Variants in USP10 observed in about 807,000 individuals in gnomAD.
USP10 encodes ubiquitin specific peptidase 10, also known as ubiquitin carboxyl-terminal hydrolase 10.
A neutral mutation model predicts 84.5 loss-of-function variants in USP10; 22 were observed. The observed-to-expected ratio is 0.26, with a 90% CI of 0.19 to 0.37. The LOEUF (loss-of-function observed/expected upper bound fraction) is 0.37. Ranked by LOEUF, USP10 falls within the 10% of genes least tolerant of loss-of-function variation. The pLI, the probability that USP10 is intolerant of heterozygous loss-of-function variation, is 1.00. For missense variants in USP10, 1,019 were observed against 998.9 expected (o/e 1.02, Z -0.27); for synonymous variants, 454 against 387.6 (o/e 1.17, Z -2.01).
At chr16:84,710,777 C>G (rs76176572) in intron 1 of USP10, among the ~76,000 whole-genome samples, 4,197 of 152,178 alleles carry the variant, frequency 0.028, 100 homozygotes, top group Middle Eastern at 0.075. Flanking sequence ...CACCTGGCAC[C>G]CTGGGTGCCA....
chr16:84,752,482 C>G (rs911541628), intron 4 of USP10, among the ~76,000 whole-genome samples: 7 of 152,192 alleles, frequency 4.6e-5, no homozygotes, highest in African/African-American at 1.7e-4. Flanking sequence ...CATTTTTATT[C>G]TTTTAGCCTC....
chr16:84,758,576 T>A (rs1056024704), intron 4 of USP10, 140 bp from the exon 5 acceptor site: 2 of 649,700 alleles, frequency 3.1e-6, no homozygotes, highest in Middle Eastern at 2.6e-4. Context: ...GAATGAAGCC[T>A]TAACAGTATG....
At chr16:84,778,169 G>T (rs374314445) in intron 13 of USP10, among the ~76,000 whole-genome samples, 8 of 150,500 alleles carry the variant, frequency 5.3e-5, no homozygotes, top group Admixed American at 4.0e-4. Flanking sequence ...AAAGGCAAAT[G>T]CGTAACTACC....
chr16:84,724,358 T>G (rs1415804618), intron 1 of USP10, among the ~76,000 whole-genome samples: 1 of 152,240 alleles, frequency 6.6e-6, no homozygotes, highest in Non-Finnish European at 1.5e-5. Flanking sequence ...GCACTTAATA[T>G]ACAGCCAACC....
At chr16:84,761,391 C>T (rs899907422) in intron 8 of USP10, among the ~76,000 whole-genome samples, 1 of 152,194 alleles carries the variant, frequency 6.6e-6, no homozygotes, top group Non-Finnish European at 1.5e-5. Context: ...TTGGGTGATT[C>T]ACTGGAAGAA....
chr16:84,724,439 T>G (rs976423341), intron 1 of USP10, among the ~76,000 whole-genome samples: 1 of 152,168 alleles, frequency 6.6e-6, no homozygotes, highest in African/African-American at 2.4e-5. Flanking sequence ...AAATAGAATA[T>G]ACAAACAGGG....
intron 2 of USP10, among the ~76,000 whole-genome samples, chr16:84,736,232 G>A (rs1412650658): frequency 6.6e-6 from 1 of 152,192 alleles, no homozygotes; most frequent in African/African-American, 2.4e-5. Flanking sequence ...TTTTTCATAT[G>A]CTTTTTCTCC....
At position 84,768,209 on chromosome 16, in the gene USP10, C is replaced by G. The variant is rs767199236; in HGVS notation, c.1849C>G (p.Gln617Glu). 3.8e-6 allele frequency: 6 copies of G among 1,592,826 alleles called. No homozygotes were observed. In the South Asian group the frequency reaches 6.8e-5, roughly 18 times the overall value. ...AATTCTTAGGTCTGTGGTTTACCAG[C>G]AGAGTTCAAAAGAATCTGCCACTTT... ...GGHIRSVVYQQSSKESATLQP... is the reference protein window; with the variant it reads ...GGHIRSVVYQESSKESATLQP... Residue 617 changes from glutamine (Q) to glutamate (E), a missense_variant, in exon 11 of 14, where the codon CAG becomes GAG. Physicochemically the swap from Gln to Glu is conservative, Grantham distance 29 (BLOSUM62 2). Transcript: ENST00000219473.
In USP10 at chr16:84,741,369, C is replaced by G. The variant is rs76709548; in HGVS notation, c.151+1000C>G. On this transcript the variant is annotated intron_variant, in intron 3 of 13. Transcript: ENST00000219473. ...CGGGCTGCTCAGCCTCCTGAGCCAC[C>G]TTTTAATTGGCTGATGTCAACCTCT... Among the ~76,000 whole-genome samples the G allele has an allele frequency of 4.0e-3, 613 of 152,350 alleles. 4 individuals carry two copies. Among genetic ancestry groups the G allele is most frequent in the African/African-American group, 0.014 (583 of 41,588 alleles).
chr16:84,744,035 A>C lies in USP10; in HGVS notation c.152-598A>C, dbSNP rs116276921. On this transcript the variant is annotated intron_variant, in intron 3 of 13. Transcript: ENST00000219473. ...AGAGTGCTCTGAAGTGCGCTTTTAT[A>C]TATAGGATTCTTTGTTGTTGTTGTT... 4.3e-3 allele frequency among the ~76,000 whole-genome samples: 644 copies of C among 150,038 alleles called. 6 individuals carry two copies. The highest frequency in any genetic ancestry group is 0.015 in the African/African-American group (601 of 41,156).
At chr16:84,749,476 C>G (rs1364637370) in intron 4 of USP10, among the ~76,000 whole-genome samples, 1 of 151,980 alleles carries the variant, frequency 6.6e-6, no homozygotes, top group African/African-American at 2.4e-5. Flanking sequence ...GTATTCCTTT[C>G]TGCCAGGCAT....
chr16:84,718,377 C>T (rs996798986), intron 1 of USP10, among the ~76,000 whole-genome samples: 1 of 152,196 alleles, frequency 6.6e-6, no homozygotes, highest in Non-Finnish European at 1.5e-5. Flanking sequence ...CCTCAGCCTC[C>T]TGAGGAGCTG....
rs763824477 is a variant in USP10, at chr16:84,779,076, G to A, written c.2391G>A (p.Leu797=). 1 of 1,613,082 alleles carries A rather than the reference G, an allele frequency of 6.2e-7. No individual in the cohort carries two copies. ...AYLLYYRRVD[L]L ...TCCTGTATTACCGCCGAGTGGACCT[G>A]CTGTAAACCCTGTGTGCGCTGTGTG... The change falls in exon 14 of 14, where the codon CTG becomes CTA. Residue 797 remains leucine, a synonymous_variant. Transcript: ENST00000219473.
intron 11 of USP10, among the ~76,000 whole-genome samples, chr16:84,770,850 A>G (rs572024297): frequency 6.6e-6 from 1 of 151,396 alleles, no homozygotes; most frequent in East Asian, 2.0e-4. Context: ...GGCGGATCAC[A>G]AAGTCAAGAG....
At chr16:84,720,120 A>G (rs78463846) in intron 1 of USP10, among the ~76,000 whole-genome samples, 1,625 of 152,268 alleles carry the variant, frequency 0.011, 26 homozygotes, top group African/African-American at 0.037. Flanking sequence ...ACAGTCCTAG[A>G]TTTTCTAGGA....
At chr16:84,718,318 A>G (rs531367687) in intron 1 of USP10, among the ~76,000 whole-genome samples, 10 of 152,214 alleles carry the variant, frequency 6.6e-5, no homozygotes, top group South Asian at 6.2e-4. Context: ...CAGTGGTGCA[A>G]TCATGGCTCA....
chr16:84,710,683 G>C (rs1271448038), intron 1 of USP10, among the ~76,000 whole-genome samples: 1 of 152,176 alleles, frequency 6.6e-6, no homozygotes. Flanking sequence ...ACTTTTGGTA[G>C]TAAACTTTAG....
chr16:84,759,140 C>G, intron 5 of USP10: 1 of 596,310 alleles, frequency 1.7e-6, no homozygotes, highest in Non-Finnish European at 3.0e-6. Flanking sequence ...AGGTCAAGTT[C>G]TTGAATACAA....
chr16:84,740,666 T>C (rs1157802303), intron 3 of USP10, among the ~76,000 whole-genome samples: 2 of 152,284 alleles, frequency 1.3e-5, no homozygotes, highest in East Asian at 3.8e-4. Flanking sequence ...CATCAGCACA[T>C]GCTGGAGTTG....
Sources: gnomAD v4.1 joint callset for allele counts (sites outside exome capture counted in the v4.1 genomes callset) on GRCh38, gnomAD v4.1.1 for gene constraint, MANE v1.5 for transcripts, NCBI Gene and HGNC (gene_info 2026-07-23, HGNC 2026-07-21) for gene names.